Variants in DYRK1A observed in about 807,000 individuals in gnomAD.
The protein encoded by DYRK1A is dual specificity tyrosine phosphorylation regulated kinase 1A.
A neutral mutation model predicts 79.7 loss-of-function variants in DYRK1A; 9 were observed. The ratio of observed to expected loss-of-function variants is 0.11; its 90% CI spans 0.07 to 0.20. The LOEUF is 0.20. Among genes scored for constraint, DYRK1A ranks in the 10% least tolerant of loss-of-function variants. DYRK1A has a pLI of 1.00. For missense variants in DYRK1A, 622 were observed against 956.0 expected (o/e 0.65, Z 4.61); for synonymous variants, 349 against 329.7 (o/e 1.06, Z -0.63).
intron 1 of DYRK1A, among the ~76,000 whole-genome samples, chr21:37,377,776 G>A (rs181480256): frequency 3.7e-4 from 56 of 152,210 alleles, no homozygotes; most frequent in Non-Finnish European, 7.1e-4. Flanking sequence ...CTTAATGGTC[G>A]GAAAGTATTC....
chr21:37,508,300 C>G (rs2053654120), intron 11 of DYRK1A, among the ~76,000 whole-genome samples: 1 of 152,180 alleles, frequency 6.6e-6, no homozygotes. Context: ...TTTTTTCTCC[C>G]CTGCTGAGAC....
At chr21:37,473,003 G>T (rs909461831) in intron 3 of DYRK1A, 123 bp downstream of exon 3, 1 of 747,848 alleles carries the variant, frequency 1.3e-6, no homozygotes. Context: ...TGGGATTATG[G>T]ATTGGGAAAA....
chr21:37,464,262 C>G (rs763775594), intron 2 of DYRK1A: 1 of 479,426 alleles, frequency 2.1e-6, no homozygotes, highest in South Asian at 1.6e-5. Flanking sequence ...AAATATTTCT[C>G]TGTAGAATCA....
Position 37,367,287 on chromosome 21 carries a change from G to T in DYRK1A, c.-418G>T, listed in dbSNP as rs1319407871. The T allele has an allele frequency of 2.0e-5, 3 of 150,860 alleles. No homozygotes were observed. The highest frequency in any genetic ancestry group is 4.4e-5 in the Non-Finnish European group (3 of 67,488). The allele number at this position is 150,860 out of a possible 1,614,324, so 9.3% of individuals were successfully genotyped here. A position where few individuals can be genotyped will look rare whatever the true frequency, so the allele number is the denominator to read the frequency against. ...TTGTGAGATTTACAAAATCCTCCTC[G>T]GGAAGAAGCCGCCGGCAGCAGCCGC... On this transcript the variant is annotated 5_prime_UTR_variant, in exon 1 of 12. Coordinates refer to ENST00000647188, the MANE Select transcript of DYRK1A (RefSeq NM_001347721.2).
At chr21:37,475,093 T>C (rs556702039) in intron 3 of DYRK1A, among the ~76,000 whole-genome samples, 43 of 152,346 alleles carry the variant, frequency 2.8e-4, no homozygotes, top group Admixed American at 6.5e-4. Context: ...TTAGCTCTTA[T>C]AACTGATCTA....
intron 2 of DYRK1A, among the ~76,000 whole-genome samples, chr21:37,467,114 A>G (rs2148541968): frequency 6.6e-6 from 1 of 151,198 alleles, no homozygotes; most frequent in African/African-American, 2.5e-5. Context: ...AAGAAAAAAA[A>G]AAAAAAACAA....
Position 37,515,335 on chromosome 21 carries a change from G to A in DYRK1A, c.*2804G>A, listed in dbSNP as rs2053867331. On this transcript the variant is annotated 3_prime_UTR_variant, in exon 12 of 12. Transcript: ENST00000647188. ...AACTATTTGAGATACATTGACATAG[G>A]CATCAGCAATCTCTGAAAGTAAAAA... is the stretch of plus-strand genomic sequence containing the variant. The A allele has an allele frequency of 6.6e-6, 1 of 152,570 alleles. No individual in the cohort carries two copies. Among genetic ancestry groups the A allele is most frequent in the African/African-American group, 2.4e-5 (1 of 41,430 alleles). 9.5% of individuals were successfully genotyped at this position (152,570 alleles called of 1,614,324 possible).
At chr21:37,379,359 G>T (rs1402594151) in intron 1 of DYRK1A, among the ~76,000 whole-genome samples, 1 of 152,192 alleles carries the variant, frequency 6.6e-6, no homozygotes, top group Admixed American at 6.5e-5. Context: ...ATTTCCAACA[G>T]ACCAAAGTGA....
intron 1 of DYRK1A, among the ~76,000 whole-genome samples, chr21:37,406,431 C>G (rs2050146970): frequency 6.6e-6 from 1 of 152,106 alleles, no homozygotes; most frequent in African/African-American, 2.4e-5. Flanking sequence ...TGCGGTGGCT[C>G]AAGTCTGTAA....
intron 1 of DYRK1A, among the ~76,000 whole-genome samples, chr21:37,391,756 A>G (rs1199894446): frequency 6.6e-6 from 1 of 152,162 alleles, no homozygotes; most frequent in Non-Finnish European, 1.5e-5. Context: ...TCTTTTCTGC[A>G]GTTCTGCCAT....
chr21:37,505,256 G>A lies in DYRK1A; in HGVS notation c.1213-27G>A, dbSNP rs2053559270. The stretch of plus-strand genomic sequence containing the variant: ...GTTTACGTATTCCACCAAATTTAGA[G>A]AAAGCCTTTCATCTTCTCTCTTACA... On this transcript the variant is annotated intron_variant, in intron 9 of 11. Coordinates refer to ENST00000647188, the MANE Select transcript of DYRK1A (RefSeq NM_001347721.2). The A allele has an allele frequency of 3.9e-6, 6 of 1,556,592 alleles. No homozygotes were observed. In the South Asian group the frequency reaches 5.9e-5, roughly 15 times the overall value.
chr21:37,450,633 C>G (rs1156874017), intron 2 of DYRK1A, among the ~76,000 whole-genome samples: 2 of 152,208 alleles, frequency 1.3e-5, no homozygotes, highest in Admixed American at 1.3e-4. Flanking sequence ...TGCTCAGATA[C>G]TCTAGCCTTG....
At chr21:37,433,479 A>G (rs919662993) in intron 2 of DYRK1A, among the ~76,000 whole-genome samples, 4 of 152,220 alleles carry the variant, frequency 2.6e-5, no homozygotes, top group Non-Finnish European at 4.4e-5. Context: ...AAGATTCATG[A>G]GTAAGAGTAT....
At chr21:37,387,691 C>T (rs1310643433) in intron 1 of DYRK1A, among the ~76,000 whole-genome samples, 3 of 152,130 alleles carry the variant, frequency 2.0e-5, no homozygotes, top group South Asian at 2.1e-4. Context: ...TTTTATCCTT[C>T]GTTTTACTGG....
chr21:37,428,827 G>A (rs1473908648), intron 2 of DYRK1A: 2 of 130,156 alleles, frequency 1.5e-5, no homozygotes, highest in East Asian at 4.7e-4. Context: ...CTCAAAAGGT[G>A]AAATTTAAGA....
At chr21:37,455,479 T>G (rs1379450673) in intron 2 of DYRK1A, among the ~76,000 whole-genome samples, 1 of 152,220 alleles carries the variant, frequency 6.6e-6, no homozygotes, top group African/African-American at 2.4e-5. Flanking sequence ...TTTTTCTGAC[T>G]TTTTAAGTCA....
chr21:37,461,645 A>T (rs1018255333), intron 2 of DYRK1A, among the ~76,000 whole-genome samples: 13 of 152,280 alleles, frequency 8.5e-5, no homozygotes, highest in African/African-American at 3.1e-4. Context: ...CTCACCGGAT[A>T]TAGATTTGTA....
rs529168539 is a variant in DYRK1A at position 37,411,983 on chromosome 21, G to A, written c.-76-8316G>A. Among the ~76,000 whole-genome samples the A allele has an allele frequency of 5.3e-5, 8 of 152,156 alleles. No homozygotes were observed. The South Asian group carries it at 1.2e-3, about 24-fold the overall frequency. On this transcript the variant is annotated intron_variant, in intron 1 of 11. Coordinates refer to ENST00000647188, the MANE Select transcript of DYRK1A (RefSeq NM_001347721.2). ...AATCTGTTTATTGAACATGTACTGCGATACAGAAATACGAGATCTAGTGGT... is the reference window on the plus strand; with the variant it reads ...AATCTGTTTATTGAACATGTACTGCAATACAGAAATACGAGATCTAGTGGT...
intron 2 of DYRK1A, among the ~76,000 whole-genome samples, chr21:37,437,373 G>T (rs1224119669): frequency 6.6e-6 from 1 of 152,188 alleles, no homozygotes; most frequent in Non-Finnish European, 1.5e-5. Flanking sequence ...GAGATATGTT[G>T]TAGGAGAAGC....
Sources: gnomAD v4.1 joint callset for allele counts (sites outside exome capture counted in the v4.1 genomes callset) on GRCh38, gnomAD v4.1.1 for gene constraint, MANE v1.5 for transcripts, NCBI Gene and HGNC (gene_info 2026-07-23, HGNC 2026-07-21) for gene names.